Variants in CHMP4A observed in about 807,000 individuals in gnomAD.
CHMP4A encodes the protein charged multivesicular body protein 4A, also known as SNF7 homolog associated with Alix-2.
CHMP4A carries 29 observed loss-of-function variants against 28.2 expected under a neutral mutation model. That is an observed-to-expected ratio of 1.03 (90% CI 0.77 to 1.40). The LOEUF (loss-of-function observed/expected upper bound fraction) is 1.40, where lower values mean the gene tolerates loss of function less well. CHMP4A is among the 40% of genes most tolerant of loss of function. The probability of loss-of-function intolerance (pLI) is 0.00; values close to 1 mark genes in which losing one functional copy is unlikely to be tolerated. For missense variants in CHMP4A, 241 were observed against 263.5 expected (o/e 0.91, Z 0.59); for synonymous variants, 88 against 99.3 (o/e 0.89, Z 0.67).
At chr14:24,213,295 T>C in intron 1 of CHMP4A, 114 bp downstream of exon 1, 2 of 1,281,810 alleles carry the variant, frequency 1.6e-6, no homozygotes, top group East Asian at 2.8e-5. Context: ...AGTCAGCCTG[T>C]CTCCTGATTC....
chr14:24,213,341 T>C, intron 1 of CHMP4A, 68 bp downstream of exon 1: 1 of 1,456,312 alleles, frequency 6.9e-7, no homozygotes, highest in South Asian at 1.5e-5. Context: ...CGGCCGAATC[T>C]CGCCGGGGTC....
intron 1 of CHMP4A, chr14:24,212,417 C>A (rs1183124676): frequency 1.0e-5 from 2 of 198,776 alleles, no homozygotes; most frequent in South Asian, 1.3e-4. Flanking sequence ...GACAGAGTCT[C>A]GCTCTGTTGC....
At chr14:24,211,343 A>C in intron 3 of CHMP4A, 72 bp downstream of exon 3, 1 of 1,321,842 alleles carries the variant, frequency 7.6e-7, no homozygotes, top group Non-Finnish European at 1.0e-6. Context: ...GAGAGGCTTT[A>C]AAGTTTAAAG....
intron 1 of CHMP4A, chr14:24,213,102 T>G: frequency 2.6e-6 from 1 of 390,068 alleles, no homozygotes; most frequent in Non-Finnish European, 4.6e-6. Flanking sequence ...AAACTCGTCT[T>G]CAAGCCTGAA....
rs1448186476 is a variant in CHMP4A, at chr14:24,210,734, T to C, written c.394A>G (p.Ile132Val). ...IDKVDELMTD[I>V]TEQQEVAQQI... is the part of the protein sequence containing the mutation. ...TGGGCCACCTCCTGTTGTTCCGTGATGTCAGTCATCAGTTCATCTACCTTG... is the reference window on the plus strand; with the variant it reads ...TGGGCCACCTCCTGTTGTTCCGTGACGTCAGTCATCAGTTCATCTACCTTG... Residue 132 changes from isoleucine to valine, a missense_variant, in exon 4 of 6, where the codon ATC becomes GTC. By Grantham distance (29) the Ile-to-Val change is conservative. Transcript: ENST00000347519. 1 of 1,614,194 alleles carries C rather than the reference T, an allele frequency of 6.2e-7. No homozygotes were observed. The highest frequency in any genetic ancestry group is 8.5e-7 in the Non-Finnish European group (1 of 1,180,008).
In CHMP4A at chr14:24,211,404, C is replaced by T; in HGVS notation, c.359+11G>A. The T allele has an allele frequency of 6.3e-7, 1 of 1,595,436 alleles. No homozygotes were observed. The highest frequency in any genetic ancestry group is 8.6e-7 in the Non-Finnish European group (1 of 1,165,026). On this transcript the variant is annotated intron_variant, in intron 3 of 5. Transcript: ENST00000347519. ...TGCCTGGGTCCCCTCCACCCCTCCC[C>T]CCGTACCCACATGTCCTGGTAGGCC...
Position 24,211,545 on chromosome 14 carries a change from C to G in CHMP4A, c.229G>C (p.Ala77Pro), listed in dbSNP as rs1339217657. The change falls in exon 3 of 6, where the codon GCA becomes CCA. Residue 77 changes from alanine to proline, a missense_variant. Ala to Pro is a conservative substitution (Grantham distance 27, BLOSUM62 -1). Transcript: ENST00000347519. ...GTGGATAATGTCCCGTCAGTTTGTG[C>G]CAGCTGCTGTTCGAATCTTTTCTTC... is the stretch of plus-strand genomic sequence containing the variant. Reference protein sequence around the residue: ...RRKKRFEQQLAQTDGTLSTLE... With the variant: ...RRKKRFEQQLPQTDGTLSTLE... 25 of 1,613,892 alleles carry G rather than the reference C, an allele frequency of 1.5e-5. No homozygotes were observed. The highest frequency in any genetic ancestry group is 2.1e-5 in the Non-Finnish European group (25 of 1,179,886).
In CHMP4A at chr14:24,210,638, C is replaced by T. The variant is rs2039583523; in HGVS notation, c.474+16G>A. 6 of 1,607,174 alleles carry T rather than the reference C, an allele frequency of 3.7e-6. No homozygotes were observed. Among genetic ancestry groups the T allele is most frequent in the Non-Finnish European group, 5.1e-6 (6 of 1,173,750 alleles). On this transcript the variant is annotated intron_variant, in intron 4 of 5. Transcript: ENST00000347519. ...ATACTTTCTGCAATATTCCCTGACC[C>T]TTCACCCCCAATCACCTCATCCACA... is the stretch of plus-strand genomic sequence containing the variant.
chr14:24,213,327 G>C, intron 1 of CHMP4A, 82 bp downstream of exon 1: 1 of 1,420,208 alleles, frequency 7.0e-7, no homozygotes, highest in South Asian at 1.5e-5. Context: ...CCGGCGCAGC[G>C]GTCCGGCCGA....
rs984814222 is a variant in CHMP4A at position 24,210,060 on chromosome 14, G to C, written c.611-125C>G. ...TGTCTCCCCAGCAAAAAACCTAAAG[G>C]TATGGTCCTTCTGCTTGCTAGGCTG... On this transcript the variant is annotated intron_variant, in intron 5 of 5. Coordinates refer to ENST00000347519, the MANE Select transcript of CHMP4A (RefSeq NM_014169.5). The C allele has an allele frequency of 1.2e-5, 12 of 963,990 alleles. No individual in the cohort carries two copies. The Admixed American group carries it at 2.2e-4, about 18-fold the overall frequency. The allele number at this position is 963,990 out of a possible 1,614,324, so 59.7% of individuals were successfully genotyped here. A position where few individuals can be genotyped will look rare whatever the true frequency, so the allele number is the denominator to read the frequency against.
At chr14:24,212,455 C>T in intron 1 of CHMP4A, 4 of 243,616 alleles carry the variant, frequency 1.6e-5, no homozygotes, top group South Asian at 1.2e-4. Flanking sequence ...GGCATGATCT[C>T]AGCTCATTGC....
chr14:24,211,345 A>T, intron 3 of CHMP4A, 70 bp downstream of exon 3: 1 of 1,343,624 alleles, frequency 7.4e-7, no homozygotes, highest in Non-Finnish European at 1.0e-6. Flanking sequence ...GAGGCTTTAA[A>T]GTTTAAAGTG....
chr14:24,211,957 GT>G, intron 1 of CHMP4A, 128 bp from the exon 2 acceptor site: 2 of 749,324 alleles, frequency 2.7e-6, no homozygotes, highest in Non-Finnish European at 4.1e-6. Context: ...TACAATGAAC[GT>G]GCTATCTCTT....
chr14:24,210,455 A>G lies in CHMP4A; in HGVS notation c.503T>C (p.Leu168Pro), dbSNP rs761084506. The stretch of plus-strand genomic sequence containing the variant: ...CTCCTGGGCCAATTCCTCCTGCTCC[A>G]GCTCCTCTAGCTCCTCCAGCAGTTC... The part of the protein sequence containing the change: ...EDELLEELEE[L>P]EQEELAQELL... The change falls in exon 5 of 6, where the codon CTG (leucine) becomes CCG (proline). Residue 168 changes from leucine (L) to proline (P), a missense_variant. By Grantham distance (98) the Leu-to-Pro change is moderately conservative (BLOSUM62 -3). Transcript: ENST00000347519. 7.4e-5 allele frequency: 120 copies of G among 1,613,900 alleles called. 1 individual carries two copies. Among genetic ancestry groups the G allele is most frequent in the South Asian group, 5.2e-4 (47 of 91,070 alleles).
intron 1 of CHMP4A, chr14:24,212,572 G>A (rs76856094): frequency 2.1e-3 from 517 of 241,280 alleles, no homozygotes; most frequent in Non-Finnish European, 2.7e-3. Flanking sequence ...TTTTTTTTTT[G>A]AGAATGGAGT....
At chr14:24,211,322 A>G (rs1461889216) in intron 3 of CHMP4A, 93 bp downstream of exon 3, 1 of 1,161,808 alleles carries the variant, frequency 8.6e-7, no homozygotes, top group Non-Finnish European at 1.2e-6. Flanking sequence ...TATACTGCAA[A>G]TTCACATTCT....
At chr14:24,211,264 T>A in intron 3 of CHMP4A, 151 bp downstream of exon 3, 1 of 658,036 alleles carries the variant, frequency 1.5e-6, no homozygotes, top group Non-Finnish European at 2.5e-6. Flanking sequence ...AGCGAAAGAA[T>A]TTTATAGGAA....
intron 5 of CHMP4A, 61 bp from the exon 6 acceptor site, chr14:24,209,996 A>C: frequency 2.1e-6 from 3 of 1,421,290 alleles, no homozygotes; most frequent in Non-Finnish European, 3.0e-6. Flanking sequence ...CAGCAACTCC[A>C]ACCATCCCCT....
chr14:24,210,070 T>C (rs941726127), intron 5 of CHMP4A, 135 bp from the exon 6 acceptor site: 1 of 904,226 alleles, frequency 1.1e-6, no homozygotes, highest in African/African-American at 1.7e-5. Context: ...GTATGGTCCT[T>C]CTGCTTGCTA....
Sources: allele counts gnomAD v4.1 joint callset, GRCh38; gene constraint gnomAD v4.1.1; transcripts MANE v1.5; gene names NCBI Gene and HGNC (gene_info 2026-07-23, HGNC 2026-07-21).